The following SNX4 variants were observed in gnomAD, a reference collection of about 807,000 sequenced individuals.
SNX4 encodes the protein sorting nexin 4, also known as sorting nexin-4.
In SNX4, 49 loss-of-function variants were observed where a neutral mutation model predicts 70.8. That is an observed-to-expected ratio of 0.69 (90% CI 0.55 to 0.88). The LOEUF is 0.88. SNX4 is among the 40% of genes least tolerant of loss of function. SNX4 has a pLI of 0.00. For missense variants in SNX4, 528 were observed against 544.8 expected (o/e 0.97, Z 0.31); for synonymous variants, 206 against 183.8 (o/e 1.12, Z -0.98).
In SNX4 at chr3:125,473,212, C is replaced by T. The variant is rs558359635; in HGVS notation, c.788+3483G>A. On this transcript the variant is annotated intron_variant, in intron 8 of 13. Coordinates refer to ENST00000251775, the MANE Select transcript of SNX4 (RefSeq NM_003794.4). The stretch of plus-strand genomic sequence containing the variant: ...CCTCCCTCCCCGCTCTGGCAGTTCC[C>T]GGTGTCTACTGTTGCCATCTTCACA... Among the ~76,000 whole-genome samples the T allele has an allele frequency of 8.5e-5, 13 of 152,194 alleles. No homozygotes were observed. In the South Asian group the frequency reaches 2.3e-3, roughly 27 times the overall value.
chr3:125,455,742 G>A lies in SNX4; in HGVS notation c.1044+1524C>T, dbSNP rs560716915. On this transcript the variant is annotated intron_variant, in intron 11 of 13. Transcript: ENST00000251775. ...AAAACTATAGTGCTTGGCCAGGCGCGCTGGCTCATGCCTATAATCCCAGCA... is the reference window on the plus strand; with the variant it reads ...AAAACTATAGTGCTTGGCCAGGCGCACTGGCTCATGCCTATAATCCCAGCA... Among the ~76,000 whole-genome samples, 6 of 152,232 alleles carry A rather than the reference G, an allele frequency of 3.9e-5. No homozygotes were observed. In the East Asian group the frequency reaches 5.8e-4, roughly 15 times the overall value.
chr3:125,504,563 T>A, intron 2 of SNX4, 60 bp downstream of exon 2: 1 of 1,509,288 alleles, frequency 6.6e-7, no homozygotes, highest in Non-Finnish European at 9.1e-7. Context: ...AGAGTCTGCA[T>A]CAATAGCTAT....
intron 8 of SNX4, 95 bp downstream of exon 8, chr3:125,476,600 A>G: frequency 1.3e-6 from 1 of 780,580 alleles, no homozygotes; most frequent in Non-Finnish European, 2.2e-6. Context: ...AAAAGAAATA[A>G]TCTTCTCTCC....
chr3:125,455,340 G>A (rs1037837684), intron 11 of SNX4, among the ~76,000 whole-genome samples: 44 of 152,130 alleles, frequency 2.9e-4, no homozygotes, highest in Admixed American at 5.2e-4. Flanking sequence ...AAAAAAAGTC[G>A]ATAAATTCAC....
chr3:125,481,125 C>T (rs1244813863), intron 6 of SNX4, among the ~76,000 whole-genome samples: 1 of 152,200 alleles, frequency 6.6e-6, no homozygotes, highest in Non-Finnish European at 1.5e-5. Context: ...CCACTTCTTC[C>T]ATTCCCATAT....
intron 7 of SNX4, among the ~76,000 whole-genome samples, chr3:125,479,375 G>A (rs1934353952): frequency 1.3e-5 from 2 of 151,876 alleles, no homozygotes; most frequent in Admixed American, 6.6e-5. Flanking sequence ...TCGTTAACAT[G>A]GTGAAACCCC....
intron 4 of SNX4, 102 bp from the exon 5 acceptor site, chr3:125,497,490 G>C (rs1934821923): frequency 7.6e-6 from 6 of 788,196 alleles, no homozygotes; most frequent in Non-Finnish European, 1.3e-5. Context: ...AGCAGGAATT[G>C]GAGAGAGAAG....
At chr3:125,468,543 GA>G (rs201403931) in intron 9 of SNX4, among the ~76,000 whole-genome samples, 10,815 of 147,566 alleles carry the variant, frequency 0.073, 493 homozygotes, top group Non-Finnish European at 0.11. Flanking sequence ...TCTAAAAAAA[GA>G]AAAAAAAAAA....
Position 125,447,034 on chromosome 3 carries a change from C to T in SNX4, c.*745G>A, listed in dbSNP as rs907175822. On this transcript the variant is annotated 3_prime_UTR_variant, in exon 14 of 14. Transcript: ENST00000251775. ...GAGAGCCAAGCAGAGTAAATTTAGG[C>T]TCATTACTGAGGTTAAGAATTATTT... 5 of 152,422 alleles carry T rather than the reference C, an allele frequency of 3.3e-5. No homozygotes were observed. Among genetic ancestry groups the T allele is most frequent in the Admixed American group, 1.3e-4 (2 of 15,252 alleles). The allele number at this position is 152,422 out of a possible 1,614,324, so 9.4% of individuals were successfully genotyped here.
chr3:125,462,553 T>C (rs1370760580), intron 9 of SNX4, among the ~76,000 whole-genome samples: 2 of 140,588 alleles, frequency 1.4e-5, no homozygotes, highest in Non-Finnish European at 3.0e-5. Context: ...AATGTGCCAT[T>C]GTATTCAAGC....
chr3:125,486,637 G>C (rs1440689155), intron 6 of SNX4, among the ~76,000 whole-genome samples: 2 of 152,030 alleles, frequency 1.3e-5, no homozygotes, highest in Non-Finnish European at 2.9e-5. Context: ...AAAAAAGAGA[G>C]TACGTTACTT....
At chr3:125,483,799 C>G (rs1934466582) in intron 6 of SNX4, among the ~76,000 whole-genome samples, 2 of 152,082 alleles carry the variant, frequency 1.3e-5, no homozygotes, top group African/African-American at 4.8e-5. Context: ...AAAAATTCAT[C>G]AAGTCTTAGA....
At chr3:125,456,375 G>T (rs966571194) in intron 11 of SNX4, among the ~76,000 whole-genome samples, 1 of 152,146 alleles carries the variant, frequency 6.6e-6, no homozygotes, top group South Asian at 2.1e-4. Flanking sequence ...GAAACCAGAT[G>T]ATAGACTAGG....
intron 6 of SNX4, among the ~76,000 whole-genome samples, chr3:125,488,469 T>C (rs935340474): frequency 3.9e-5 from 6 of 151,936 alleles, no homozygotes; most frequent in African/African-American, 1.5e-4. Flanking sequence ...AGCAAGTCTC[T>C]GCCTCAAAAA....
At chr3:125,501,241 A>T (rs1038172117) in intron 2 of SNX4, among the ~76,000 whole-genome samples, 1 of 152,212 alleles carries the variant, frequency 6.6e-6, no homozygotes, top group South Asian at 2.1e-4. Flanking sequence ...CTTAAAACAG[A>T]AAAAACATAA....
intron 2 of SNX4, among the ~76,000 whole-genome samples, chr3:125,502,996 T>C (rs1387246723): frequency 6.6e-6 from 1 of 151,630 alleles, no homozygotes; most frequent in Non-Finnish European, 1.5e-5. Context: ...CTCAGCTTAC[T>C]GCAATCTCCA....
chr3:125,494,196 T>C (rs766150661), intron 5 of SNX4, among the ~76,000 whole-genome samples: 1 of 152,116 alleles, frequency 6.6e-6, no homozygotes, highest in Non-Finnish European at 1.5e-5. Context: ...TTGGTCTCAT[T>C]CAGAATGACC....
chr3:125,498,780 A>T (rs1346661307), intron 2 of SNX4, among the ~76,000 whole-genome samples: 1 of 152,206 alleles, frequency 6.6e-6, no homozygotes, highest in East Asian at 1.9e-4. Context: ...TTTAAACATA[A>T]GAGAAACAGT....
chr3:125,452,700 C>T (rs558830489), intron 12 of SNX4, among the ~76,000 whole-genome samples: 2 of 152,342 alleles, frequency 1.3e-5, no homozygotes, highest in East Asian at 3.9e-4. Flanking sequence ...TCACTGCAAG[C>T]TCCACCTCCC....
Sources: allele counts gnomAD v4.1 joint callset (sites outside exome capture counted in the v4.1 genomes callset), GRCh38; gene constraint gnomAD v4.1.1; transcripts MANE v1.5; gene names NCBI Gene and HGNC (gene_info 2026-07-23, HGNC 2026-07-21).